Variants in ARL15 observed in about 807,000 individuals in gnomAD.
ARL15 encodes the protein ARF like GTPase 15.
In ARL15, 19 loss-of-function variants were observed where a neutral mutation model predicts 25.2. The observed-to-expected ratio is 0.75, with a 90% CI of 0.53 to 1.10. The LOEUF (loss-of-function observed/expected upper bound fraction) is 1.10. Ranked by LOEUF, ARL15 falls within the 50% of genes least tolerant of loss-of-function variation. ARL15 has a pLI of 0.00. For synonymous variants in ARL15, 94 were observed against 86.8 expected (o/e 1.08, Z -0.46); for missense variants, 220 against 246.0 (o/e 0.89, Z 0.71).
chr5:54,143,504 C>G (rs1318707194), intron 3 of ARL15, among the ~76,000 whole-genome samples: 1 of 151,698 alleles, frequency 6.6e-6, no homozygotes, highest in Admixed American at 6.6e-5. Flanking sequence ...CCATATATAG[C>G]TGAATATGTA....
chr5:54,247,784 C>T (rs1757129128), intron 1 of ARL15, among the ~76,000 whole-genome samples: 1 of 151,912 alleles, frequency 6.6e-6, no homozygotes, highest in Admixed American at 6.6e-5. Context: ...ATATAACATA[C>T]TAATTTATGG....
At position 54,278,283 on chromosome 5, in the gene ARL15, G is replaced by A. The variant is rs190449040; in HGVS notation, c.48+32149C>T. On this transcript the variant is annotated intron_variant, in intron 1 of 4. Transcript: ENST00000504924. Reference sequence around the variant, plus strand: ...TCTGGCCTGGAGCTCAACCATGCCTGATGGTAGAAGGTTCACTTCAAGATC... The same window carrying A: ...TCTGGCCTGGAGCTCAACCATGCCTAATGGTAGAAGGTTCACTTCAAGATC... 1.8e-3 allele frequency among the ~76,000 whole-genome samples: 272 copies of A among 152,310 alleles called. 1 individual carries two copies. Among genetic ancestry groups the A allele is most frequent in the African/African-American group, 6.3e-3 (260 of 41,564 alleles).
chr5:54,254,038 G>A (rs1757306163), intron 1 of ARL15, among the ~76,000 whole-genome samples: 1 of 152,160 alleles, frequency 6.6e-6, no homozygotes, highest in South Asian at 2.1e-4. Context: ...TAGGAGCTTG[G>A]GGGTGATGAA....
chr5:54,133,875 A>G (rs1753514126), intron 3 of ARL15, among the ~76,000 whole-genome samples: 1 of 152,198 alleles, frequency 6.6e-6, no homozygotes, highest in Non-Finnish European at 1.5e-5. Flanking sequence ...AAATGAAGTT[A>G]TACTCGCAAA....
At chr5:54,291,639 C>T (rs1179367517) in intron 1 of ARL15, among the ~76,000 whole-genome samples, 1 of 152,090 alleles carries the variant, frequency 6.6e-6, no homozygotes, top group Non-Finnish European at 1.5e-5. Flanking sequence ...TTTTCTCACA[C>T]CTAGTGAATC....
intron 3 of ARL15, among the ~76,000 whole-genome samples, chr5:54,147,321 A>G (rs1753940933): frequency 1.3e-5 from 2 of 152,192 alleles, no homozygotes; most frequent in South Asian, 2.1e-4. Context: ...ACCACCATCT[A>G]TTCTTAAAGC....
intron 1 of ARL15, among the ~76,000 whole-genome samples, chr5:54,211,576 T>C (rs770565852): frequency 5.4e-5 from 8 of 149,514 alleles, no homozygotes; most frequent in Non-Finnish European, 8.9e-5. Context: ...GTTCAAGCGA[T>C]TCTCCTGCCT....
intron 1 of ARL15, among the ~76,000 whole-genome samples, chr5:54,264,826 T>C (rs550474877): frequency 2.4e-4 from 36 of 152,294 alleles, no homozygotes; most frequent in Admixed American, 2.4e-3. Context: ...AACTTCCTCC[T>C]ATATACTCAC....
At chr5:54,184,545 G>T (rs1220943576) in intron 1 of ARL15, among the ~76,000 whole-genome samples, 1 of 143,278 alleles carries the variant, frequency 7.0e-6, no homozygotes, top group Non-Finnish European at 1.5e-5. Context: ...TCCCTAGGAG[G>T]AAAGATCTCA....
At chr5:53,981,527 T>C (rs962766208) in intron 4 of ARL15, among the ~76,000 whole-genome samples, 5 of 152,188 alleles carry the variant, frequency 3.3e-5, no homozygotes, top group Non-Finnish European at 4.4e-5. Context: ...ACAATTCTCA[T>C]AAAAATAATC....
chr5:54,022,781 T>TA, intron 4 of ARL15, among the ~76,000 whole-genome samples: 1 of 152,326 alleles, frequency 6.6e-6, no homozygotes, highest in South Asian at 2.1e-4. Context: ...TTTTCTCCTG[T>TA]TAATCTGTAT....
At chr5:54,283,648 C>T (rs1366352132) in intron 1 of ARL15, among the ~76,000 whole-genome samples, 1 of 152,228 alleles carries the variant, frequency 6.6e-6, no homozygotes, top group African/African-American at 2.4e-5. Flanking sequence ...CAAGATCATT[C>T]TTCCCATCTA....
chr5:54,078,540 T>G (rs1049232220), intron 4 of ARL15, among the ~76,000 whole-genome samples: 42 of 152,222 alleles, frequency 2.8e-4, no homozygotes, highest in Non-Finnish European at 8.8e-5. Flanking sequence ...CACATTAGTT[T>G]TAAAAGCATT....
At chr5:54,076,595 T>A (rs1751617113) in intron 4 of ARL15, among the ~76,000 whole-genome samples, 1 of 150,382 alleles carries the variant, frequency 6.6e-6, no homozygotes, top group African/African-American at 2.4e-5. Context: ...TATTCTTCAC[T>A]GCAGAATTAA....
Position 54,140,357 on chromosome 5 carries a change from C to G in ARL15, c.253+14223G>C, listed in dbSNP as rs190525483. Among the ~76,000 whole-genome samples, 248 of 151,488 alleles carry G rather than the reference C, an allele frequency of 1.6e-3. 2 individuals are homozygous for G. The highest frequency in any genetic ancestry group is 8.1e-3 in the Admixed American group (124 of 15,226). ...AATCCCACTACCAGCTCTGGTTGTA[C>G]CACCAACTATGATTTTGAAATAAAG... On this transcript the variant is annotated intron_variant, in intron 3 of 4. Transcript: ENST00000504924.
rs571635999 is a variant in ARL15 at position 54,016,445 on chromosome 5, G to C, written c.462+96757C>G. Among the ~76,000 whole-genome samples the C allele has an allele frequency of 2.6e-4, 39 of 152,228 alleles. 1 individual carries two copies. The highest frequency in any genetic ancestry group is 9.4e-4 in the African/African-American group (39 of 41,530). On this transcript the variant is annotated intron_variant, in intron 4 of 4. Coordinates refer to ENST00000504924, the MANE Select transcript of ARL15 (RefSeq NM_019087.3). Reference sequence around the variant, plus strand: ...CAGTCACAATCCACAGGACTCATAAGGGCCCACACTTGCTTTAACACTCTG... The same window carrying C: ...CAGTCACAATCCACAGGACTCATAACGGCCCACACTTGCTTTAACACTCTG...
chr5:54,177,608 G>A (rs1408068525), intron 1 of ARL15, among the ~76,000 whole-genome samples: 3 of 152,152 alleles, frequency 2.0e-5, no homozygotes, highest in Non-Finnish European at 4.4e-5. Flanking sequence ...GTCTAGCAGA[G>A]CACTGTACAC....
At chr5:53,907,728 C>T (rs903913947) in intron 4 of ARL15, among the ~76,000 whole-genome samples, 3 of 151,296 alleles carry the variant, frequency 2.0e-5, no homozygotes, top group Non-Finnish European at 4.4e-5. Context: ...GATCTCCTGA[C>T]CTCGTGATCT....
intron 2 of ARL15, among the ~76,000 whole-genome samples, chr5:54,161,110 C>G (rs1256837391): frequency 6.6e-6 from 1 of 152,006 alleles, no homozygotes; most frequent in Non-Finnish European, 1.5e-5. Flanking sequence ...AAATAGAAGA[C>G]TGTATATATT....
Sources: allele counts gnomAD v4.1 joint callset (sites outside exome capture counted in the v4.1 genomes callset), GRCh38; gene constraint gnomAD v4.1.1; transcripts MANE v1.5; gene names NCBI Gene and HGNC (gene_info 2026-07-23, HGNC 2026-07-21).